Variants in REV3L observed in about 807,000 individuals in gnomAD.
The protein encoded by REV3L is REV3 like, DNA directed polymerase zeta catalytic subunit.
In REV3L, 69 loss-of-function variants were observed where a neutral mutation model predicts 299.4. The ratio of observed to expected loss-of-function variants is 0.23; its 90% CI spans 0.19 to 0.28. The LOEUF (loss-of-function observed/expected upper bound fraction) is 0.28, where lower values mean the gene tolerates loss of function less well. REV3L is among the 10% of genes least tolerant of loss of function. The pLI is 1.00. For missense variants in REV3L, 3,128 were observed against 3,693.8 expected (o/e 0.85, Z 3.97); for synonymous variants, 1,238 against 1,271.4 (o/e 0.97, Z 0.56).
intron 13 of REV3L, among the ~76,000 whole-genome samples, chr6:111,371,961 G>A (rs1237779927): frequency 6.6e-6 from 1 of 152,056 alleles, no homozygotes; most frequent in Non-Finnish European, 1.5e-5. Flanking sequence ...CAAAGTGCTG[G>A]GATTACAGGT....
chr6:111,432,820 TTAAG>T (rs1365949507), intron 1 of REV3L, among the ~76,000 whole-genome samples: 1 of 152,124 alleles, frequency 6.6e-6, no homozygotes, highest in Non-Finnish European at 1.5e-5. Context: ...CTCACCAAAT[TTAAG>T]TAAGTAGAAA....
chr6:111,397,548 T>C (rs540585697), intron 4 of REV3L, among the ~76,000 whole-genome samples: 3 of 152,350 alleles, frequency 2.0e-5, no homozygotes, highest in Admixed American at 6.5e-5. Flanking sequence ...TCCTGGAGAA[T>C]GTTCCACATG....
chr6:111,480,838 G>GTTT (rs56230820), intron 1 of REV3L, among the ~76,000 whole-genome samples: 1 of 109,034 alleles, frequency 9.2e-6, no homozygotes, highest in Non-Finnish European at 2.0e-5. Flanking sequence ...TTTCGTTTTT[G>GTTT]TTTTTTTTTT....
At chr6:111,335,056 T>A (rs1463136876) in intron 22 of REV3L, among the ~76,000 whole-genome samples, 1 of 152,176 alleles carries the variant, frequency 6.6e-6, no homozygotes, top group African/African-American at 2.4e-5. Flanking sequence ...TTTCTTTTTT[T>A]ATAACATTTA....
At chr6:111,435,874 C>G (rs184976750) in intron 1 of REV3L, among the ~76,000 whole-genome samples, 1 of 152,120 alleles carries the variant, frequency 6.6e-6, no homozygotes, top group Non-Finnish European at 1.5e-5. Context: ...AAAGACAATT[C>G]ATAAAATGGA....
In REV3L at chr6:111,374,378, G is replaced by A. The variant is rs775471797; in HGVS notation, c.3977C>T (p.Ser1326Phe). ...DDLHPSVVCN[S>F]IGPGVSKINV... ...AATTTTTGAGACTCCAGGTCCTATA[G>A]AATTACAAACAACTGATGGATGCAA... Residue 1326 changes from serine to phenylalanine, a missense_variant, in exon 13 of 32, where the codon TCT becomes TTT. Ser to Phe is a radical substitution (Grantham distance 155). Around this residue, in one of 9 missense-constraint regions of REV3L, gnomAD observed 2,409 missense variants for 2,611.8 expected, o/e 0.92. Coordinates refer to ENST00000368802, the MANE Select transcript of REV3L (RefSeq NM_001372078.1). The A allele has an allele frequency of 6.2e-7, 1 of 1,613,878 alleles. No homozygotes were observed. The highest frequency in any genetic ancestry group is 8.5e-7 in the Non-Finnish European group (1 of 1,179,854).
intron 5 of REV3L, among the ~76,000 whole-genome samples, chr6:111,392,476 T>A (rs1373898717): frequency 6.6e-6 from 1 of 152,164 alleles, no homozygotes; most frequent in Non-Finnish European, 1.5e-5. Flanking sequence ...GTCAAAATAC[T>A]TTATTACTTA....
Position 111,483,200 on chromosome 6 carries a change from G to A in REV3L, c.-312C>T, listed in dbSNP as rs948752447. On this transcript the variant is annotated 5_prime_UTR_variant, in exon 1 of 32. Transcript: ENST00000368802. Reference sequence around the variant, plus strand: ...TCGGTCCCAGGCTGCAGCTCTTGTTGCCATGATGATGATGTCACGGACGCA... The same window carrying A: ...TCGGTCCCAGGCTGCAGCTCTTGTTACCATGATGATGATGTCACGGACGCA... The A allele has an allele frequency of 1.0e-5, 5 of 476,992 alleles. No homozygotes were observed. Among genetic ancestry groups the A allele is most frequent in the Non-Finnish European group, 1.8e-5 (5 of 274,376 alleles). The allele number at this position is 476,992 out of a possible 1,614,324, so 29.5% of individuals were successfully genotyped here.
At position 111,374,299 on chromosome 6, in the gene REV3L, C is replaced by T. The variant is rs188531900; in HGVS notation, c.4056G>A (p.Thr1352=). Residue 1352 remains threonine (T), a synonymous_variant, in exon 13 of 32, where the codon ACG becomes ACA. Transcript: ENST00000368802. ...GGTCAAATATATTTTTTTGAATTAA[C>T]GTTGATTCCTTTAGAGTAAACATAG... ...QSAMFTLKES[T]LIQKNIFDLS... The T allele has an allele frequency of 2.2e-5, 36 of 1,613,856 alleles. No individual in the cohort carries two copies. In the East Asian group the frequency reaches 5.8e-4, roughly 26 times the overall value.
chr6:111,326,731 G>A (rs1774866560), intron 25 of REV3L, among the ~76,000 whole-genome samples: 1 of 151,628 alleles, frequency 6.6e-6, no homozygotes, highest in Non-Finnish European at 1.5e-5. Context: ...ACGAGTGAAT[G>A]GATAAAGGAA....
chr6:111,312,596 T>C (rs1562104044), intron 28 of REV3L: 1 of 152,230 alleles, frequency 6.6e-6, no homozygotes. Flanking sequence ...TCTCACTCTC[T>C]TGCCCAGGCT....
chr6:111,310,247 A>AAT (rs1356417104), intron 29 of REV3L, 148 bp from the exon 30 acceptor site: 16 of 1,053,860 alleles, frequency 1.5e-5, no homozygotes, highest in Non-Finnish European at 2.1e-5. Flanking sequence ...CTTTGAGAAT[A>AAT]ATATATATAC....
At chr6:111,423,230 T>C (rs573189882) in intron 1 of REV3L, among the ~76,000 whole-genome samples, 4 of 144,860 alleles carry the variant, frequency 2.8e-5, no homozygotes, top group South Asian at 2.4e-4. Context: ...TACAGTATGG[T>C]ATGACAGGTG....
chr6:111,329,738 G>T lies in REV3L; in HGVS notation c.8035C>A (p.Pro2679Thr). 2 of 1,609,536 alleles carry T rather than the reference G, an allele frequency of 1.2e-6. No individual in the cohort carries two copies. The highest frequency in any genetic ancestry group is 8.5e-7 in the Non-Finnish European group (1 of 1,178,408). The change falls in exon 25 of 32, where the codon CCT becomes ACT. Residue 2679 changes from proline (P) to threonine (T), a missense_variant and splice_region_variant. Physicochemically the swap from Pro to Thr is conservative, Grantham distance 38. Transcript: ENST00000368802. Reference sequence around the variant, plus strand: ...GGTAGTACACCTTTTCTTACTGAAGGCTATCATAAAGAAAAAAAATGTTTA... The same window carrying T: ...GGTAGTACACCTTTTCTTACTGAAGTCTATCATAAAGAAAAAAAATGTTTA... ...VSPNGVAFVK[P>T]SVRKGVLPRM... is the part of the protein sequence containing the mutation.
At chr6:111,378,636 G>C (rs1401425105) in intron 11 of REV3L, among the ~76,000 whole-genome samples, 1 of 152,080 alleles carries the variant, frequency 6.6e-6, no homozygotes, top group Non-Finnish European at 1.5e-5. Context: ...CTGTCTCACA[G>C]GGCAATCTTT....
At chr6:111,393,790 C>T (rs1037581941) in intron 4 of REV3L, among the ~76,000 whole-genome samples, 8 of 152,110 alleles carry the variant, frequency 5.3e-5, no homozygotes, top group African/African-American at 1.9e-4. Context: ...CCTCAGCCTC[C>T]CATGTAGCTG....
At chr6:111,426,568 A>G (rs896543358) in intron 1 of REV3L, among the ~76,000 whole-genome samples, 2 of 152,206 alleles carry the variant, frequency 1.3e-5, no homozygotes, top group Non-Finnish European at 2.9e-5. Flanking sequence ...CCAATAATGG[A>G]ACACTAGGCA....
intron 4 of REV3L, among the ~76,000 whole-genome samples, chr6:111,393,838 G>A (rs547264058): frequency 5.3e-5 from 8 of 151,990 alleles, no homozygotes; most frequent in African/African-American, 1.7e-4. Context: ...GGCTAAAGAC[G>A]AACTTTTTTT....
chr6:111,462,157 A>C (rs576629978), intron 1 of REV3L, among the ~76,000 whole-genome samples: 23 of 152,296 alleles, frequency 1.5e-4, no homozygotes, highest in African/African-American at 5.3e-4. Context: ...CTTTGAACCT[A>C]CTTCTCAGTA....
Sources: allele counts gnomAD v4.1 joint callset (sites outside exome capture counted in the v4.1 genomes callset), GRCh38; gene constraint gnomAD v4.1.1; regional missense constraint gnomAD v4.1.1; transcripts MANE v1.5; gene names NCBI Gene and HGNC (gene_info 2026-07-23, HGNC 2026-07-21).